The following CRPPA variants were observed in gnomAD, a reference collection of about 807,000 sequenced individuals.
CRPPA encodes D-ribitol-5-phosphate cytidylyltransferase.
CRPPA carries 43 observed loss-of-function variants against 52.0 expected under a neutral mutation model. That is an observed-to-expected ratio of 0.83 (90% confidence interval 0.65 to 1.07). CRPPA has a LOEUF of 1.07. CRPPA is among the 50% of genes least tolerant of loss of function. The pLI is 0.00. For synonymous variants in CRPPA, 250 were observed against 203.5 expected (o/e 1.23, Z -1.94); for missense variants, 629 against 551.7 (o/e 1.14, Z -1.40).
intron 1 of CRPPA, among the ~76,000 whole-genome samples, chr7:16,412,155 T>A (rs1418292915): frequency 2.6e-5 from 4 of 152,200 alleles, no homozygotes; most frequent in Non-Finnish European, 5.9e-5. Flanking sequence ...GGCCTTACAC[T>A]ATTTCAAACA....
At chr7:16,213,903 G>A (rs998768094) in intron 9 of CRPPA, among the ~76,000 whole-genome samples, 2 of 152,044 alleles carry the variant, frequency 1.3e-5, no homozygotes, top group Admixed American at 6.6e-5. Context: ...GTTTAAATTC[G>A]TTCAACAAAT....
chr7:16,210,243 T>C (rs1782095793), intron 9 of CRPPA, among the ~76,000 whole-genome samples: 1 of 152,172 alleles, frequency 6.6e-6, no homozygotes, highest in Admixed American at 6.5e-5. Context: ...TCCCTTAATC[T>C]TAATGGGGGT....
chr7:16,252,346 T>C (rs1475839876), intron 8 of CRPPA, among the ~76,000 whole-genome samples: 1 of 152,112 alleles, frequency 6.6e-6, no homozygotes, highest in Non-Finnish European at 1.5e-5. Context: ...TTGACAAAAT[T>C]CACAAGCCCT....
chr7:16,327,075 T>C (rs1260516391), intron 3 of CRPPA, among the ~76,000 whole-genome samples: 4 of 152,166 alleles, frequency 2.6e-5, no homozygotes, highest in Non-Finnish European at 5.9e-5. Context: ...TAACTTTTTG[T>C]TCTATTTTTC....
intron 3 of CRPPA, among the ~76,000 whole-genome samples, chr7:16,368,635 T>C (rs868711207): frequency 9.2e-5 from 14 of 152,220 alleles, no homozygotes; most frequent in African/African-American, 3.4e-4. Context: ...CTTTATATAT[T>C]AGTTTCTCAG....
intron 3 of CRPPA, among the ~76,000 whole-genome samples, chr7:16,311,506 TAA>T (rs1785033842): frequency 6.6e-6 from 1 of 152,142 alleles, no homozygotes; most frequent in East Asian, 1.9e-4. Context: ...ACTTTATAGC[TAA>T]TTTCTTTTTA....
intron 3 of CRPPA, among the ~76,000 whole-genome samples, chr7:16,310,152 A>G (rs1305847151): frequency 6.6e-6 from 1 of 152,122 alleles, no homozygotes; most frequent in Non-Finnish European, 1.5e-5. Context: ...GTGATTCACC[A>G]TGGGGGGGTT....
chr7:16,418,243 C>G (rs954976361), intron 1 of CRPPA, among the ~76,000 whole-genome samples: 4 of 152,152 alleles, frequency 2.6e-5, no homozygotes, highest in Admixed American at 2.6e-4. Flanking sequence ...GTTCCATAAG[C>G]TCTTCAGACA....
intron 9 of CRPPA, among the ~76,000 whole-genome samples, chr7:16,179,515 A>G (rs1163002144): frequency 1.3e-5 from 2 of 152,054 alleles, no homozygotes; most frequent in Admixed American, 1.3e-4. Flanking sequence ...AGGTGTAACA[A>G]TGGAGGCAGA....
intron 2 of CRPPA, among the ~76,000 whole-genome samples, chr7:16,403,135 G>A (rs948487544): frequency 6.6e-6 from 1 of 151,590 alleles, no homozygotes; most frequent in Admixed American, 6.6e-5. Flanking sequence ...AAAATAGTGA[G>A]GGGGGGAAAA....
At chr7:16,178,320 G>A (rs1231145106) in intron 9 of CRPPA, among the ~76,000 whole-genome samples, 1 of 152,094 alleles carries the variant, frequency 6.6e-6, no homozygotes, top group African/African-American at 2.4e-5. Flanking sequence ...ATTGGTAAAA[G>A]TGAGTTATTA....
At position 16,363,464 on chromosome 7, in the gene CRPPA, T is replaced by C. The variant is rs550456245; in HGVS notation, c.684+12628A>G. On this transcript the variant is annotated intron_variant, in intron 3 of 9. Coordinates refer to ENST00000407010, the MANE Select transcript of CRPPA (RefSeq NM_001101426.4). ...ATAGACTTACTGATTTCAAACTAAT[T>C]CACATTAGACAAAAAGAAAAAAGTA... is the stretch of plus-strand genomic sequence containing the variant. 5.3e-5 allele frequency among the ~76,000 whole-genome samples: 8 copies of C among 152,214 alleles called. No homozygotes were observed. In the South Asian group the frequency reaches 1.7e-3, roughly 32 times the overall value.
intron 3 of CRPPA, among the ~76,000 whole-genome samples, chr7:16,354,949 G>A (rs1244905351): frequency 6.6e-6 from 1 of 152,066 alleles, no homozygotes; most frequent in Non-Finnish European, 1.5e-5. Context: ...TAGACAATAT[G>A]CTATAAAAAT....
rs776994585 is a variant in CRPPA at position 16,371,992 on chromosome 7, T to C, written c.684+4100A>G. The stretch of plus-strand genomic sequence containing the variant: ...GAGCTTGAAGACAAAGCTTTTGAAT[T>C]AACCCAATCAGACGAAGTAAAAAAA... On this transcript the variant is annotated intron_variant, in intron 3 of 9. Coordinates refer to ENST00000407010, the MANE Select transcript of CRPPA (RefSeq NM_001101426.4). Among the ~76,000 whole-genome samples the C allele has an allele frequency of 2.6e-5, 4 of 151,862 alleles. No individual in the cohort carries two copies. The South Asian group carries it at 8.3e-4, about 31-fold the overall frequency.
At chr7:16,310,446 C>G (rs976763902) in intron 3 of CRPPA, among the ~76,000 whole-genome samples, 2 of 152,026 alleles carry the variant, frequency 1.3e-5, no homozygotes, top group Non-Finnish European at 2.9e-5. Context: ...TAACTGTCAC[C>G]CAAGGAAAGA....
intron 9 of CRPPA, among the ~76,000 whole-genome samples, chr7:16,208,588 G>A (rs187902807): frequency 4.6e-5 from 7 of 152,218 alleles, no homozygotes; most frequent in African/African-American, 7.2e-5. Context: ...CATGGCAGGC[G>A]GGGTGAACAT....
At chr7:16,386,712 C>T (rs1341413223) in intron 2 of CRPPA, among the ~76,000 whole-genome samples, 3 of 152,138 alleles carry the variant, frequency 2.0e-5, no homozygotes, top group African/African-American at 4.8e-5. Flanking sequence ...GAAGTTAATA[C>T]AACAAACTCT....
chr7:16,140,324 A>AT (rs376608696), intron 9 of CRPPA, among the ~76,000 whole-genome samples: 9,659 of 145,254 alleles, frequency 0.066, 375 homozygotes, highest in Non-Finnish European at 0.092. Context: ...TGCCAGGCTA[A>AT]TTTTTTTTTT....
At chr7:16,335,244 G>A (rs1419571159) in intron 3 of CRPPA, among the ~76,000 whole-genome samples, 2 of 151,814 alleles carry the variant, frequency 1.3e-5, no homozygotes, top group East Asian at 3.9e-4. Flanking sequence ...CTACTCAGGA[G>A]GCTGAGGCAG....
Sources: allele counts gnomAD v4.1 joint callset (sites outside exome capture counted in the v4.1 genomes callset), GRCh38; gene constraint gnomAD v4.1.1; transcripts MANE v1.5; gene names NCBI Gene and HGNC (gene_info 2026-07-23, HGNC 2026-07-21).